Variants in SCN11A observed in about 807,000 individuals in gnomAD.
SCN11A encodes sodium voltage-gated channel alpha subunit 11.
SCN11A carries 122 observed loss-of-function variants against 162.2 expected under a neutral mutation model. That is an observed-to-expected ratio of 0.75 (90% CI 0.65 to 0.87). The LOEUF is 0.87. Among genes scored for constraint, SCN11A ranks in the 40% least tolerant of loss-of-function variants. SCN11A has a pLI of 0.00. For synonymous variants in SCN11A, 758 were observed against 751.5 expected (o/e 1.01, Z -0.14); for missense variants, 2,015 against 2,181.6 (o/e 0.92, Z 1.52).
chr3:38,964,611 C>T (rs72855773), intron 2 of SCN11A, among the ~76,000 whole-genome samples: 5,680 of 152,210 alleles, frequency 0.037, 212 homozygotes, highest in East Asian at 0.18. Context: ...TAGAGGATGA[C>T]TAAGAACTCA....
intron 7 of SCN11A, among the ~76,000 whole-genome samples, chr3:38,938,507 ATCATATATAT>A (rs1559544726): frequency 0.012 from 1,302 of 105,722 alleles, 16 homozygotes; most frequent in Middle Eastern, 0.015. Context: ...AAGGAAAAAT[ATCATATATAT>A]ATATATATAT....
At chr3:39,032,358 C>CA (rs1170073956) in intron 2 of SCN11A, among the ~76,000 whole-genome samples, 22 bp downstream of exon 2, 1 of 151,998 alleles carries the variant, frequency 6.6e-6, no homozygotes, top group Non-Finnish European at 1.5e-5. Flanking sequence ...CTTGAACAAA[C>CA]AAAAAATATG....
chr3:38,903,854 T>C lies in SCN11A; in HGVS notation c.1842+11A>G. On this transcript the variant is annotated intron_variant, in intron 16 of 29. Transcript: ENST00000302328. Reference sequence around the variant, plus strand: ...AAATATGTTTTTTATTTTTAAAAAGTGTAATGTTACCAAATTCCCTATATT... The same window carrying C: ...AAATATGTTTTTTATTTTTAAAAAGCGTAATGTTACCAAATTCCCTATATT... 6.5e-7 allele frequency: 1 copy of C among 1,537,208 alleles called. No homozygotes were observed. The highest frequency in any genetic ancestry group is 8.9e-7 in the Non-Finnish European group (1 of 1,124,566).
At chr3:38,945,344 A>T in intron 7 of SCN11A, 67 bp downstream of exon 7, 1 of 981,744 alleles carries the variant, frequency 1.0e-6, no homozygotes, top group Non-Finnish European at 1.6e-6. Context: ...CTCCAGTGTA[A>T]TCATTAACTG....
chr3:39,046,348 T>C (rs1293245715), intron 1 of SCN11A, among the ~76,000 whole-genome samples: 1 of 151,652 alleles, frequency 6.6e-6, no homozygotes, highest in African/African-American at 2.4e-5. Flanking sequence ...ATTATAAAAC[T>C]CTGATGAAAT....
At chr3:39,013,088 C>A (rs2031191451) in intron 2 of SCN11A, among the ~76,000 whole-genome samples, 1 of 151,946 alleles carries the variant, frequency 6.6e-6, no homozygotes, top group East Asian at 1.9e-4. Context: ...AAATAAATAC[C>A]AGGTGACAGT....
rs565122060 is a variant in SCN11A at position 38,926,573 on chromosome 3, G to A, written c.617+230C>T. ...AACAGGCCAGTGTTGGTGAGTAAATGGCTGAAGGAACACGAACTTGAGTGT... is the reference window on the plus strand; with the variant it reads ...AACAGGCCAGTGTTGGTGAGTAAATAGCTGAAGGAACACGAACTTGAGTGT... On this transcript the variant is annotated intron_variant, in intron 8 of 29. Coordinates refer to ENST00000302328, the MANE Select transcript of SCN11A (RefSeq NM_001349253.2). Among the ~76,000 whole-genome samples the A allele has an allele frequency of 2.0e-4, 31 of 151,788 alleles. No individual in the cohort carries two copies. The South Asian group carries it at 6.5e-3, about 32-fold the overall frequency.
At chr3:38,950,718 T>C (rs1251313357) in intron 4 of SCN11A, among the ~76,000 whole-genome samples, 1 of 152,178 alleles carries the variant, frequency 6.6e-6, no homozygotes, top group South Asian at 2.1e-4. Context: ...CCGGCTGAAC[T>C]GCTGAAGTGG....
At chr3:38,940,490 C>T (rs1484817076) in intron 7 of SCN11A, among the ~76,000 whole-genome samples, 3 of 152,032 alleles carry the variant, frequency 2.0e-5, no homozygotes, top group Non-Finnish European at 2.9e-5. Context: ...AAACGCAGAC[C>T]AATGGAAGAG....
intron 9 of SCN11A, among the ~76,000 whole-genome samples, chr3:38,922,138 A>T (rs2066063522): frequency 6.6e-6 from 1 of 152,244 alleles, no homozygotes; most frequent in Admixed American, 6.5e-5. Context: ...GATGTAATTG[A>T]AAGGCATGGA....
At chr3:38,936,634 G>T (rs2066337039) in intron 7 of SCN11A, among the ~76,000 whole-genome samples, 1 of 151,270 alleles carries the variant, frequency 6.6e-6, no homozygotes, top group Non-Finnish European at 1.5e-5. Context: ...GCTTCAAAGA[G>T]AATAAAATAC....
intron 10 of SCN11A, 45 bp from the exon 11 acceptor site, chr3:38,920,046 T>A (rs6779297): frequency 2.8e-6 from 4 of 1,405,500 alleles, no homozygotes; most frequent in Non-Finnish European, 4.0e-6. Context: ...AAAAAAACAT[T>A]GAAAGGAAAG....
rs1395737214 is a variant in SCN11A, at chr3:39,046,287, AAGGAAGGGAGGG to A, written c.-404+5562_-404+5573del. On this transcript the variant is annotated intron_variant, in intron 1 of 29. Coordinates refer to ENST00000302328, the MANE Select transcript of SCN11A (RefSeq NM_001349253.2). The stretch of plus-strand genomic sequence containing the variant: ...AAAGAAAGGACAGAAGCAAGGAAGG[AAGGAAGGGAGGG>A]AGGAAGGGAGGGAGGGAGGGAGGGA... 2.2e-5 allele frequency among the ~76,000 whole-genome samples: 3 copies of A among 135,148 alleles called. No homozygotes were observed. In the East Asian group the frequency reaches 7.9e-4, roughly 36 times the overall value. The allele number at this position is 135,148 out of a possible 152,430, so 88.7% of individuals were successfully genotyped here.
At chr3:38,874,024 T>A (rs1407427183) in intron 23 of SCN11A, among the ~76,000 whole-genome samples, 3 of 152,206 alleles carry the variant, frequency 2.0e-5, no homozygotes, top group Non-Finnish European at 4.4e-5. Flanking sequence ...TGCACAACAG[T>A]ACACTGGGCA....
chr3:38,938,945 G>C (rs947703938), intron 7 of SCN11A, among the ~76,000 whole-genome samples: 2 of 152,022 alleles, frequency 1.3e-5, no homozygotes, highest in East Asian at 1.9e-4. Context: ...GGGAGGCTTA[G>C]GCAGGCGGAT....
At chr3:39,016,513 C>T (rs2031293018) in intron 2 of SCN11A, among the ~76,000 whole-genome samples, 1 of 152,134 alleles carries the variant, frequency 6.6e-6, no homozygotes, top group Non-Finnish European at 1.5e-5. Context: ...TCTTATAGTG[C>T]ATCATGTAGT....
intron 11 of SCN11A, among the ~76,000 whole-genome samples, chr3:38,911,960 G>T (rs919086032): frequency 3.9e-5 from 6 of 152,122 alleles, no homozygotes; most frequent in Non-Finnish European, 5.9e-5. Context: ...TTCTTCAGAT[G>T]CCTGGTGAGC....
chr3:38,991,908 A>G (rs1024569287), intron 2 of SCN11A, among the ~76,000 whole-genome samples: 3 of 152,128 alleles, frequency 2.0e-5, no homozygotes, highest in African/African-American at 7.2e-5. Flanking sequence ...TCCCAGGTTC[A>G]AGTGATTCTC....
intron 2 of SCN11A, among the ~76,000 whole-genome samples, chr3:38,970,511 T>C (rs994330152): frequency 2.0e-5 from 3 of 152,216 alleles, no homozygotes; most frequent in African/African-American, 7.2e-5. Context: ...TCTTAGAAAT[T>C]AAAAATAGAT....
Sources: gnomAD v4.1 joint callset for allele counts (sites outside exome capture counted in the v4.1 genomes callset) on GRCh38, gnomAD v4.1.1 for gene constraint, MANE v1.5 for transcripts, NCBI Gene and HGNC (gene_info 2026-07-23, HGNC 2026-07-21) for gene names.